Variants in AFAP1 observed in about 807,000 individuals in gnomAD.
AFAP1 encodes the protein actin filament associated protein 1, also known as actin filament-associated protein 1.
In AFAP1, 75 loss-of-function variants were observed where a neutral mutation model predicts 93.9. The ratio of observed to expected loss-of-function variants is 0.80; its 90% CI spans 0.66 to 0.97. The LOEUF (loss-of-function observed/expected upper bound fraction) is 0.97, where lower values mean the gene tolerates loss of function less well. AFAP1 is among the 50% of genes least tolerant of loss of function. The probability of loss-of-function intolerance (pLI) is 0.00; values close to 1 mark genes in which losing one functional copy is unlikely to be tolerated. For missense variants in AFAP1, 1,201 were observed against 1,050.8 expected, an observed-to-expected ratio of 1.14 and a Z score of -1.98; for synonymous variants, 517 against 430.7, an observed-to-expected ratio of 1.20 and a Z score of -2.48.
At position 7,922,396 on chromosome 4, in the gene AFAP1, TG is replaced by T. The variant is rs559933165; in HGVS notation, c.-3+17259del. 4.1e-3 allele frequency among the ~76,000 whole-genome samples: 631 copies of T among 152,262 alleles called. 4 individuals are homozygous for T. The highest frequency in any genetic ancestry group is 0.014 in the African/African-American group (592 of 41,546). On this transcript the variant is annotated intron_variant, in intron 1 of 17. Coordinates refer to ENST00000420658, the MANE Select transcript of AFAP1 (RefSeq NM_001134647.2). ...AGCTTGGATGTCAGAGCAGGGATCA[TG>T]TAAAGGAAGTGAGTATTTCAAGTCT...
intron 4 of AFAP1, among the ~76,000 whole-genome samples, chr4:7,845,155 C>T (rs1713535461): frequency 6.6e-6 from 1 of 152,184 alleles, no homozygotes; most frequent in African/African-American, 2.4e-5. Flanking sequence ...GGTGTGGTGG[C>T]TCACACCTGT....
Position 7,760,474 on chromosome 4 carries a change from T to C in AFAP1, c.*3291A>G, listed in dbSNP as rs1713623011. 6.6e-6 allele frequency: 1 copy of C among 152,262 alleles called. No homozygotes were observed. Among genetic ancestry groups the C allele is most frequent in the Admixed American group, 6.5e-5 (1 of 15,282 alleles). 9.4% of individuals were successfully genotyped at this position (152,262 alleles called of 1,614,324 possible). ...CTGGGGTGACTCAGCAGATCCACAC[T>C]GGTTACCTTGCAACTGCCGTGGACT... On this transcript the variant is annotated 3_prime_UTR_variant, in exon 18 of 18. Transcript: ENST00000420658.
chr4:7,760,406 G>C lies in AFAP1; in HGVS notation c.*3359C>G, dbSNP rs534008897. 6.6e-6 allele frequency: 1 copy of C among 152,538 alleles called. No homozygotes were observed. The highest frequency in any genetic ancestry group is 1.5e-5 in the Non-Finnish European group (1 of 68,338). 9.4% of individuals were successfully genotyped at this position (152,538 alleles called of 1,614,324 possible). On this transcript the variant is annotated 3_prime_UTR_variant, in exon 18 of 18. Transcript: ENST00000420658. ...GCCCCAAGGGAAGGTCTCAAGGAAG[G>C]CCCCATGGACAGTGGCCCATGCTCC...
chr4:7,822,362 A>G (rs1560180574), intron 6 of AFAP1, among the ~76,000 whole-genome samples: 1 of 152,170 alleles, frequency 6.6e-6, no homozygotes, highest in Middle Eastern at 3.4e-3. Flanking sequence ...CCAGCCCAGT[A>G]TTTCTCCCCT....
chr4:7,892,299 C>G (rs1302348395), intron 1 of AFAP1, among the ~76,000 whole-genome samples: 2 of 152,160 alleles, frequency 1.3e-5, no homozygotes, highest in African/African-American at 4.8e-5. Flanking sequence ...CGGCCAGCTG[C>G]CAACTGCCCC....
Position 7,764,479 on chromosome 4 carries a change from C to T in AFAP1, c.2419-688G>A, listed in dbSNP as rs146858838. ...AGAAAGTTCTGGAGAAGGATGGCGG[C>T]GATGGCTGTGCAACAATGGGAATGT... On this transcript the variant is annotated intron_variant, in intron 17 of 17. Coordinates refer to ENST00000420658, the MANE Select transcript of AFAP1 (RefSeq NM_001134647.2). 4.5e-3 allele frequency among the ~76,000 whole-genome samples: 684 copies of T among 152,288 alleles called. 1 individual carries two copies. Among genetic ancestry groups the T allele is most frequent in the Non-Finnish European group, 7.1e-3 (480 of 68,014 alleles).
intron 17 of AFAP1, among the ~76,000 whole-genome samples, chr4:7,768,266 C>T (rs1369263850): frequency 6.6e-6 from 1 of 152,230 alleles, no homozygotes; most frequent in South Asian, 2.1e-4. Flanking sequence ...CTTTGATCAA[C>T]TACTGTGTTT....
At chr4:7,890,461 G>C (rs1270428865) in intron 1 of AFAP1, among the ~76,000 whole-genome samples, 2 of 152,104 alleles carry the variant, frequency 1.3e-5, no homozygotes, top group Non-Finnish European at 2.9e-5. Flanking sequence ...TATGACTCTG[G>C]AGATAGGCTG....
chr4:7,805,815 A>G (rs1719459452), intron 9 of AFAP1, among the ~76,000 whole-genome samples: 1 of 152,244 alleles, frequency 6.6e-6, no homozygotes, highest in Non-Finnish European at 1.5e-5. Flanking sequence ...CGGGGACAGC[A>G]GTGTTAGAGG....
intron 6 of AFAP1, among the ~76,000 whole-genome samples, chr4:7,820,122 C>T (rs553653045): frequency 6.6e-6 from 1 of 152,270 alleles, no homozygotes; most frequent in South Asian, 2.1e-4. Context: ...GGAGTGACCC[C>T]ACTGAAGACA....
In AFAP1 at chr4:7,928,027, A is replaced by G. The variant is rs1018872119; in HGVS notation, c.-3+11629T>C. 3.9e-5 allele frequency among the ~76,000 whole-genome samples: 6 copies of G among 152,336 alleles called. No individual in the cohort carries two copies. The East Asian group carries it at 1.2e-3, about 29-fold the overall frequency. Reference sequence around the variant, plus strand: ...ACAAACCAATGCAGATACCCCAATCATGATAAGAATTTTCAGTCCCTTTAC... The same window carrying G: ...ACAAACCAATGCAGATACCCCAATCGTGATAAGAATTTTCAGTCCCTTTAC... On this transcript the variant is annotated intron_variant, in intron 1 of 17. Coordinates refer to ENST00000420658, the MANE Select transcript of AFAP1 (RefSeq NM_001134647.2).
intron 11 of AFAP1, among the ~76,000 whole-genome samples, chr4:7,790,410 TAG>T (rs1436731736): frequency 6.6e-6 from 1 of 152,242 alleles, no homozygotes; most frequent in African/African-American, 2.4e-5. Context: ...ACATTTGATT[TAG>T]ATTAATACTC....
chr4:7,882,143 C>A (rs1233975898), intron 1 of AFAP1, among the ~76,000 whole-genome samples: 4 of 152,142 alleles, frequency 2.6e-5, no homozygotes, highest in Non-Finnish European at 2.9e-5. Flanking sequence ...ACACCCTCCA[C>A]AAGAAAAGTC....
intron 1 of AFAP1, among the ~76,000 whole-genome samples, chr4:7,924,384 C>A (rs1207667739): frequency 3.9e-5 from 6 of 152,240 alleles, no homozygotes; most frequent in African/African-American, 1.2e-4. Flanking sequence ...GTATAGAGAA[C>A]TGGATCAACC....
intron 1 of AFAP1, among the ~76,000 whole-genome samples, chr4:7,912,209 T>A (rs192027545): frequency 1.3e-5 from 2 of 152,208 alleles, no homozygotes; most frequent in African/African-American, 4.8e-5. Flanking sequence ...TGCTGAGTGG[T>A]GTCCGGGCTG....
intron 4 of AFAP1, among the ~76,000 whole-genome samples, chr4:7,853,373 G>A (rs898433903): frequency 6.6e-6 from 1 of 152,180 alleles, no homozygotes; most frequent in African/African-American, 2.4e-5. Flanking sequence ...AAATCTGGGA[G>A]TGATAGGGCA....
At chr4:7,842,204 A>G (rs1247629863) in intron 5 of AFAP1, among the ~76,000 whole-genome samples, 2 of 151,542 alleles carry the variant, frequency 1.3e-5, no homozygotes, top group Non-Finnish European at 2.9e-5. Context: ...ACTCTGTTTT[A>G]AAAAACTGAA....
chr4:7,918,710 A>C (rs899603959), intron 1 of AFAP1, among the ~76,000 whole-genome samples: 4 of 136,456 alleles, frequency 2.9e-5, no homozygotes, highest in African/African-American at 1.1e-4. Flanking sequence ...GGTCACCAGG[A>C]AACAGGGCTG....
intron 4 of AFAP1, among the ~76,000 whole-genome samples, chr4:7,851,016 G>GT (rs1181677883): frequency 1.8e-5 from 1 of 55,642 alleles, no homozygotes; most frequent in Non-Finnish European, 4.7e-5. Context: ...TATCCCCATT[G>GT]TAATTTCTGC....
Sources: allele counts gnomAD v4.1 joint callset (sites outside exome capture counted in the v4.1 genomes callset), GRCh38; gene constraint gnomAD v4.1.1; transcripts MANE v1.5; gene names NCBI Gene and HGNC (gene_info 2026-07-23, HGNC 2026-07-21).